LYST: variants seen among roughly 807,000 people sequenced by gnomAD.
LYST encodes lysosomal trafficking regulator.
LYST carries 192 observed loss-of-function variants against 413.6 expected under a neutral mutation model. That is an observed-to-expected ratio of 0.46 (90% confidence interval 0.41 to 0.52). LYST has a LOEUF of 0.52. Ranked by LOEUF, LYST falls within the 20% of genes least tolerant of loss-of-function variation. The pLI, the probability that LYST is intolerant of heterozygous loss-of-function variation, is 0.00. For missense variants in LYST, 3,815 were observed against 4,499.9 expected (o/e 0.85, Z 4.35); for synonymous variants, 1,525 against 1,567.3 (o/e 0.97, Z 0.64).
At chr1:235,792,609 C>T (rs918772333) in intron 11 of LYST, among the ~76,000 whole-genome samples, 4 of 151,702 alleles carry the variant, frequency 2.6e-5, no homozygotes, top group African/African-American at 9.7e-5. Flanking sequence ...GTCACCATGC[C>T]CAGCCTTCAT....
intron 1 of LYST, among the ~76,000 whole-genome samples, chr1:235,846,837 A>T (rs1460985358): frequency 1.3e-5 from 2 of 152,110 alleles, no homozygotes; most frequent in Non-Finnish European, 2.9e-5. Flanking sequence ...AAGAAAAAAG[A>T]ATACGAAAAT....
intron 50 of LYST, among the ~76,000 whole-genome samples, chr1:235,665,792 G>C (rs938406275): frequency 1.2e-4 from 18 of 151,992 alleles, no homozygotes; most frequent in African/African-American, 4.4e-4. Flanking sequence ...AGATTACAGA[G>C]TAACCAAAAG....
intron 21 of LYST, among the ~76,000 whole-genome samples, chr1:235,764,446 T>G (rs184749043): frequency 6.6e-6 from 1 of 152,148 alleles, no homozygotes; most frequent in African/African-American, 2.4e-5. Flanking sequence ...ATTTGGACAT[T>G]TACTGCTGCT....
intron 3 of LYST, among the ~76,000 whole-genome samples, chr1:235,820,254 C>A (rs1674602978): frequency 6.6e-6 from 1 of 152,220 alleles, no homozygotes; most frequent in African/African-American, 2.4e-5. Context: ...GTCTAGGAAG[C>A]TGCACAGGCA....
intron 8 of LYST, among the ~76,000 whole-genome samples, chr1:235,801,883 T>C (rs1004804720): frequency 9.9e-5 from 15 of 152,212 alleles, no homozygotes; most frequent in African/African-American, 2.6e-4. Context: ...GAGGAAGATA[T>C]CCTACTGAGA....
At position 235,733,510 on chromosome 1, in the gene LYST, G is replaced by A; in HGVS notation, c.8794C>T (p.His2932Tyr). 3 of 1,613,350 alleles carry A rather than the reference G, an allele frequency of 1.9e-6. No homozygotes were observed. Among genetic ancestry groups the A allele is most frequent in the Non-Finnish European group, 2.5e-6 (3 of 1,179,388 alleles). Residue 2932 changes from histidine (H) to tyrosine (Y), a missense_variant, in exon 34 of 53, where the codon CAT becomes TAT. Transcript: ENST00000389793. ...TGACCTCCCGCAGCTTACCTATCAT[G>A]TGTCAGCTGCTGAATAAGTTCCTGC... is the stretch of plus-strand genomic sequence containing the variant. ...HWQELIQQLT[H>Y]DRAVWYDPIY...
intron 31 of LYST, among the ~76,000 whole-genome samples, chr1:235,740,718 G>A (rs1261811478): frequency 6.6e-6 from 1 of 152,152 alleles, no homozygotes; most frequent in Non-Finnish European, 1.5e-5. Flanking sequence ...ATAAGCATTT[G>A]AATATTTGTA....
In LYST at chr1:235,810,465, G is replaced by A. The variant is rs1475563507; in HGVS notation, c.353C>T (p.Thr118Ile). 6 of 1,610,628 alleles carry A rather than the reference G, an allele frequency of 3.7e-6. No individual in the cohort carries two copies. Among genetic ancestry groups the A allele is most frequent in the Non-Finnish European group, 4.2e-6 (5 of 1,179,170 alleles). The change falls in exon 5 of 53, where the codon ACT becomes ATT. Residue 118 changes from threonine to isoleucine, a missense_variant. This residue lies in a region of LYST where 1,648 missense variants were observed against 1,810.3 expected (regional missense o/e 0.91). Transcript: ENST00000389793. ...KEKNSSSQRS[T>I]QEKLHLEGSA... Reference sequence around the variant, plus strand: ...TCCTTCTAAATGTAATTTTTCCTGAGTGGATCTTTGTGAACTTGAGTTCTT... The same window carrying A: ...TCCTTCTAAATGTAATTTTTCCTGAATGGATCTTTGTGAACTTGAGTTCTT...
chr1:235,717,154 C>A (rs1662915780), intron 40 of LYST, among the ~76,000 whole-genome samples: 1 of 152,166 alleles, frequency 6.6e-6, no homozygotes, highest in Non-Finnish European at 1.5e-5. Flanking sequence ...CCAGACTCTA[C>A]ATCCAGTTAG....
intron 14 of LYST, among the ~76,000 whole-genome samples, chr1:235,786,717 C>T (rs572934337): frequency 2.0e-5 from 3 of 151,924 alleles, no homozygotes; most frequent in Non-Finnish European, 4.4e-5. Context: ...TACTATGCAG[C>T]CATAAAAAAG....
chr1:235,708,202 T>C (rs1662137932), intron 44 of LYST, among the ~76,000 whole-genome samples: 1 of 152,150 alleles, frequency 6.6e-6, no homozygotes, highest in African/African-American at 2.4e-5. Flanking sequence ...TAGATAGAAG[T>C]CTAAAGGTGC....
chr1:235,793,688 G>A, intron 10 of LYST, 76 bp from the exon 11 acceptor site: 1 of 770,186 alleles, frequency 1.3e-6, no homozygotes. Flanking sequence ...CACCAAAAGA[G>A]GTAAAATACT....
intron 1 of LYST, among the ~76,000 whole-genome samples, chr1:235,863,992 T>C (rs190117248): frequency 7.7e-4 from 118 of 152,300 alleles, no homozygotes; most frequent in African/African-American, 2.7e-3. Context: ...AGGTTCCTCA[T>C]CCTCCACCAT....
chr1:235,843,660 G>C (rs1005653714), intron 1 of LYST, among the ~76,000 whole-genome samples: 1 of 151,432 alleles, frequency 6.6e-6, no homozygotes, highest in Admixed American at 6.6e-5. Flanking sequence ...GTTTCATAAC[G>C]CTATTTCCAG....
At position 235,712,014 on chromosome 1, in the gene LYST, C is replaced by T. The variant is rs527507929; in HGVS notation, c.9925+43G>A. On this transcript the variant is annotated intron_variant, in intron 43 of 52. Coordinates refer to ENST00000389793, the MANE Select transcript of LYST (RefSeq NM_000081.4). ...TTTTTGGAAAATTACAAAATAACCACAAGCCCTCAGAAATATAAATTAAAA... is the reference window on the plus strand; with the variant it reads ...TTTTTGGAAAATTACAAAATAACCATAAGCCCTCAGAAATATAAATTAAAA... 7 of 1,456,442 alleles carry T rather than the reference C, an allele frequency of 4.8e-6. No individual in the cohort carries two copies. In the South Asian group the frequency reaches 8.3e-5, roughly 17 times the overall value. 90.2% of individuals were successfully genotyped at this position (1,456,442 alleles called of 1,614,324 possible).
chr1:235,879,292 T>A (rs1049289193), intron 1 of LYST, among the ~76,000 whole-genome samples: 4 of 152,238 alleles, frequency 2.6e-5, no homozygotes, highest in African/African-American at 9.6e-5. Context: ...CAGGTATGGG[T>A]GTGAATTCTG....
At position 235,862,796 on chromosome 1, in the gene LYST, A is replaced by AAAAC. The variant is rs201111880; in HGVS notation, c.-98+4043_-98+4046dup. ...GGGCAACACAGCAAGTCTCCATCTCAAAACAAACAAACACACACACACACA... is the reference window on the plus strand; with the variant it reads ...GGGCAACACAGCAAGTCTCCATCTCAAAACAAACAAACAAACACACACACACACA... On this transcript the variant is annotated intron_variant, in intron 1 of 52. Transcript: ENST00000389793. Among the ~76,000 whole-genome samples, 13 of 123,090 alleles carry AAAAC rather than the reference A, an allele frequency of 1.1e-4. No homozygotes were observed. In the East Asian group the frequency reaches 1.5e-3, roughly 14 times the overall value. The allele number at this position is 123,090 out of a possible 152,430, so 80.8% of individuals were successfully genotyped here.
chr1:235,832,713 T>A (rs1676124773), intron 2 of LYST, among the ~76,000 whole-genome samples: 1 of 152,166 alleles, frequency 6.6e-6, no homozygotes, highest in South Asian at 2.1e-4. Flanking sequence ...TCTAGCTTTT[T>A]ATTATCATAA....
rs1359351985 is a variant in LYST, at chr1:235,776,469, A to G, written c.5460+594T>C. ...TCAAAGCTGCTTTAATTAAACAGGGATGTGGATCCAGAGGAAGTAGAAATG... is the reference window on the plus strand; with the variant it reads ...TCAAAGCTGCTTTAATTAAACAGGGGTGTGGATCCAGAGGAAGTAGAAATG... On this transcript the variant is annotated intron_variant, in intron 17 of 52. Coordinates refer to ENST00000389793, the MANE Select transcript of LYST (RefSeq NM_000081.4). Among the ~76,000 whole-genome samples, 3 of 152,314 alleles carry G rather than the reference A, an allele frequency of 2.0e-5. No individual in the cohort carries two copies. The East Asian group carries it at 5.8e-4, about 29-fold the overall frequency.
Sources: gnomAD v4.1 joint callset for allele counts (sites outside exome capture counted in the v4.1 genomes callset) on GRCh38, gnomAD v4.1.1 for gene constraint, gnomAD v4.1.1 regional missense constraint, MANE v1.5 for transcripts, NCBI Gene and HGNC (gene_info 2026-07-23, HGNC 2026-07-21) for gene names.